The following TARBP1 variants were observed in gnomAD, a reference collection of about 807,000 sequenced individuals.
The protein encoded by TARBP1 is tRNA guanosine 2 -O-methyltransferase TARBP1.
TARBP1 carries 144 observed loss-of-function variants against 178.6 expected under a neutral mutation model. That is an observed-to-expected ratio of 0.81 (90% confidence interval 0.70 to 0.93). The LOEUF (loss-of-function observed/expected upper bound fraction) is 0.93, where lower values mean the gene tolerates loss of function less well. TARBP1 is among the 40% of genes least tolerant of loss of function. The pLI, the probability that TARBP1 is intolerant of heterozygous loss-of-function variation, is 0.00. For synonymous variants in TARBP1, 787 were observed against 781.0 expected, an observed-to-expected ratio of 1.01 and a Z score of -0.13; for missense variants, 2,067 against 2,011.7, an observed-to-expected ratio of 1.03 and a Z score of -0.53.
chr1:234,473,329 T>C (rs913548927), intron 1 of TARBP1, among the ~76,000 whole-genome samples: 1 of 152,208 alleles, frequency 6.6e-6, no homozygotes, highest in African/African-American at 2.4e-5. Context: ...CCAAAGAGGA[T>C]GTGTTCAGTG....
rs1315146134 is a variant in TARBP1, at chr1:234,406,044, T to C, written c.3848A>G (p.Asn1283Ser). 2.5e-6 allele frequency: 4 copies of C among 1,614,200 alleles called. No homozygotes were observed. Among genetic ancestry groups the C allele is most frequent in the East Asian group, 2.2e-5 (1 of 44,892 alleles). The change falls in exon 24 of 30, where the codon AAT becomes AGT. Residue 1283 changes from asparagine to serine, a missense_variant. Transcript: ENST00000040877. ...TAAAGCATACAGTCGAACACTAAAA[T>C]TGTGATTGAAACACCACTGCAGCAC... ...IVVLQWCFNH[N>S]FSVRLYALVA...
At chr1:234,448,400 A>T in intron 11 of TARBP1, 80 bp downstream of exon 11, 1 of 1,244,890 alleles carries the variant, frequency 8.0e-7, no homozygotes, top group Non-Finnish European at 1.2e-6. Flanking sequence ...AAGTTCAATC[A>T]TTCAAAAATC....
At chr1:234,423,640 G>A (rs1002263809) in intron 20 of TARBP1, among the ~76,000 whole-genome samples, 1 of 151,850 alleles carries the variant, frequency 6.6e-6, no homozygotes, top group Non-Finnish European at 1.5e-5. Context: ...ACCTTTCCTC[G>A]CTTGGTCTCC....
At chr1:234,439,863 G>A (rs1350646809) in intron 12 of TARBP1, among the ~76,000 whole-genome samples, 1 of 152,068 alleles carries the variant, frequency 6.6e-6, no homozygotes, top group African/African-American at 2.4e-5. Flanking sequence ...TAGAAAATCA[G>A]CAAGGATATG....
At chr1:234,432,423 A>G (rs1008025162) in intron 14 of TARBP1, among the ~76,000 whole-genome samples, 8 of 152,192 alleles carry the variant, frequency 5.3e-5, no homozygotes, top group African/African-American at 1.9e-4. Flanking sequence ...TCTGGGTGAC[A>G]GAGCGAGACT....
intron 23 of TARBP1, chr1:234,407,996 T>C (rs1282481908): frequency 2.0e-5 from 3 of 152,158 alleles, no homozygotes; most frequent in South Asian, 2.1e-4. Context: ...TAATTCTCAA[T>C]AGGGAAAACA....
intron 5 of TARBP1, 138 bp from the exon 6 acceptor site, chr1:234,464,072 A>G (rs1668184164): frequency 2.2e-6 from 1 of 464,566 alleles, no homozygotes; most frequent in African/African-American, 2.0e-5. Context: ...CTGAACCTGC[A>G]TTTCATTTTT....
intron 22 of TARBP1, among the ~76,000 whole-genome samples, chr1:234,410,827 C>T (rs1333259930): frequency 6.6e-6 from 1 of 152,256 alleles, no homozygotes; most frequent in Non-Finnish European, 1.5e-5. Context: ...AATCCCAACA[C>T]TTTGGGAGGC....
At position 234,430,242 on chromosome 1, in the gene TARBP1, C is replaced by T; in HGVS notation, c.2454G>A (p.Val818=). 5 of 1,614,190 alleles carry T rather than the reference C, an allele frequency of 3.1e-6. No homozygotes were observed. The Admixed American group carries it at 8.3e-5, about 27-fold the overall frequency. Residue 818 remains valine, a synonymous_variant, in exon 15 of 30, where the codon GTG becomes GTA. Transcript: ENST00000040877. The part of the protein sequence containing the change: ...RVVSMAALAM[V]CEAIDQKPEL... ...CAGGCTTCTGGTCTATGGCCTCACACACCATGGCCAAGGCAGCCATGCTCA... is the reference window on the plus strand; with the variant it reads ...CAGGCTTCTGGTCTATGGCCTCACATACCATGGCCAAGGCAGCCATGCTCA...
At chr1:234,395,278 TAAG>T (rs1284962311) in intron 26 of TARBP1, among the ~76,000 whole-genome samples, 7 of 152,176 alleles carry the variant, frequency 4.6e-5, no homozygotes, top group Non-Finnish European at 8.8e-5. Flanking sequence ...TAAAAAATTT[TAAG>T]AAGGAGAGTA....
chr1:234,469,383 C>T (rs111843083), intron 3 of TARBP1, among the ~76,000 whole-genome samples: 128 of 152,158 alleles, frequency 8.4e-4, no homozygotes, highest in African/African-American at 2.6e-3. Flanking sequence ...TCAGTCACTG[C>T]TATTTGATTT....
In TARBP1 at chr1:234,413,505, G is replaced by A. The variant is rs946318729; in HGVS notation, c.3706-2974C>T. On this transcript the variant is annotated intron_variant, in intron 22 of 29. Coordinates refer to ENST00000040877, the MANE Select transcript of TARBP1 (RefSeq NM_005646.4). ...CAAAACAAAACACATTGTTTACACC[G>A]CTAAGCTTTGGAGAGTTCTAGCAAC... 5.3e-5 allele frequency among the ~76,000 whole-genome samples: 8 copies of A among 152,190 alleles called. 1 individual carries two copies. The highest frequency in any genetic ancestry group is 6.8e-3 in the Middle Eastern group (2 of 294).
intron 24 of TARBP1, among the ~76,000 whole-genome samples, chr1:234,402,318 C>T (rs1660755418): frequency 6.6e-6 from 1 of 152,146 alleles, no homozygotes; most frequent in South Asian, 2.1e-4. Flanking sequence ...ACTAATGTTA[C>T]CAAAAATGAA....
intron 12 of TARBP1, among the ~76,000 whole-genome samples, chr1:234,443,775 A>T (rs539234523): frequency 6.6e-6 from 1 of 152,326 alleles, no homozygotes; most frequent in East Asian, 1.9e-4. Flanking sequence ...TTGGCCTTTA[A>T]AAGGAATCAA....
chr1:234,445,001 CA>C (rs1666001276), intron 12 of TARBP1, among the ~76,000 whole-genome samples: 1 of 152,196 alleles, frequency 6.6e-6, no homozygotes, highest in Non-Finnish European at 1.5e-5. Flanking sequence ...TGCTGCTCTA[CA>C]TAAAAAACTT....
At chr1:234,417,574 T>C (rs1235916986) in intron 22 of TARBP1, among the ~76,000 whole-genome samples, 1 of 152,226 alleles carries the variant, frequency 6.6e-6, no homozygotes, top group Non-Finnish European at 1.5e-5. Context: ...CTAATTTTAG[T>C]ATCAATTCCT....
chr1:234,469,077 T>TTAAAAAAAAAAA (rs1413764322), intron 3 of TARBP1, among the ~76,000 whole-genome samples: 1 of 63,788 alleles, frequency 1.6e-5, no homozygotes, highest in African/African-American at 6.1e-5. Context: ...TTTTTTTTTT[T>TTAAAAAAAAAAA]AAAAAAAAAA....
chr1:234,471,350 T>C, intron 2 of TARBP1, 93 bp from the exon 3 acceptor site: 3 of 800,222 alleles, frequency 3.7e-6, no homozygotes. Flanking sequence ...GTAGCTCTTC[T>C]GTTTCTACAA....
At chr1:234,406,821 T>C (rs902704958) in intron 23 of TARBP1, 17 of 152,224 alleles carry the variant, frequency 1.1e-4, no homozygotes, top group African/African-American at 4.1e-4. Flanking sequence ...GGACCCAAAC[T>C]TTTAATGAAA....
Sources: gnomAD v4.1 joint callset for allele counts (sites outside exome capture counted in the v4.1 genomes callset) on GRCh38, gnomAD v4.1.1 for gene constraint, MANE v1.5 for transcripts, NCBI Gene and HGNC (gene_info 2026-07-23, HGNC 2026-07-21) for gene names.